Variants in GRIA1 observed in about 807,000 individuals in gnomAD.
GRIA1 encodes glutamate receptor 1.
GRIA1 carries 31 observed loss-of-function variants against 99.2 expected under a neutral mutation model. The observed-to-expected ratio is 0.31, with a 90% confidence interval of 0.23 to 0.42. The LOEUF is 0.42. GRIA1 is among the 10% of genes least tolerant of loss of function. The pLI, the probability that GRIA1 is intolerant of heterozygous loss-of-function variation, is 1.00. For synonymous variants in GRIA1, 438 were observed against 432.4 expected (o/e 1.01, Z -0.16); for missense variants, 782 against 1,157.5 (o/e 0.68, Z 4.71).
intron 2 of GRIA1, among the ~76,000 whole-genome samples, chr5:153,607,068 T>TATATATATAA (rs1491415058): frequency 3.0e-4 from 42 of 140,426 alleles, no homozygotes; most frequent in Admixed American, 9.8e-4. Context: ...TATATATATA[T>TATATATATAA]AATCACAGTT....
chr5:153,591,668 G>A (rs1763985245), intron 2 of GRIA1, among the ~76,000 whole-genome samples: 2 of 152,186 alleles, frequency 1.3e-5, no homozygotes, highest in Non-Finnish European at 2.9e-5. Context: ...AACTAAAGAA[G>A]AAATGGTTGG....
At chr5:153,773,079 G>T (rs913756428) in intron 13 of GRIA1, among the ~76,000 whole-genome samples, 1 of 152,156 alleles carries the variant, frequency 6.6e-6, no homozygotes, top group East Asian at 1.9e-4. Context: ...GCACTCAAAT[G>T]ACTTTCCACT....
At chr5:153,706,187 T>A in intron 11 of GRIA1, 120 bp downstream of exon 11, 1 of 970,312 alleles carries the variant, frequency 1.0e-6, no homozygotes, top group Non-Finnish European at 1.6e-6. Flanking sequence ...CTGTATTCAG[T>A]TTTTCAACTA....
At chr5:153,726,592 A>G (rs987234511) in intron 11 of GRIA1, among the ~76,000 whole-genome samples, 1 of 152,194 alleles carries the variant, frequency 6.6e-6, no homozygotes, top group African/African-American at 2.4e-5. Context: ...ACAAACTACC[A>G]TCAGAATACT....
At chr5:153,622,629 G>C (rs1767165506) in intron 2 of GRIA1, among the ~76,000 whole-genome samples, 1 of 152,224 alleles carries the variant, frequency 6.6e-6, no homozygotes, top group South Asian at 2.1e-4. Flanking sequence ...TTTCTTCTCT[G>C]AGATTTGAAT....
At chr5:153,670,801 C>T (rs548958981) in intron 5 of GRIA1, among the ~76,000 whole-genome samples, 2 of 151,964 alleles carry the variant, frequency 1.3e-5, no homozygotes, top group Admixed American at 1.3e-4. Flanking sequence ...AGAGTTAACA[C>T]CTTTATTTCC....
At chr5:153,768,675 C>T (rs998414312) in intron 12 of GRIA1, among the ~76,000 whole-genome samples, 1 of 151,842 alleles carries the variant, frequency 6.6e-6, no homozygotes, top group Non-Finnish European at 1.5e-5. Context: ...AGTTGACGTG[C>T]GCTAATATCA....
chr5:153,495,970 A>C (rs146497453), intron 2 of GRIA1, among the ~76,000 whole-genome samples: 1 of 152,230 alleles, frequency 6.6e-6, no homozygotes, highest in Admixed American at 6.5e-5. Context: ...TATTACTTGC[A>C]TAGAGAATCA....
intron 2 of GRIA1, among the ~76,000 whole-genome samples, chr5:153,515,396 G>A (rs1464164497): frequency 1.3e-5 from 2 of 152,192 alleles, no homozygotes; most frequent in Non-Finnish European, 2.9e-5. Flanking sequence ...AATATTGCAT[G>A]ATCTCATTCA....
At chr5:153,755,096 C>A (rs1762741176) in intron 11 of GRIA1, among the ~76,000 whole-genome samples, 1 of 152,074 alleles carries the variant, frequency 6.6e-6, no homozygotes, top group African/African-American at 2.4e-5. Flanking sequence ...AGCAGTATGA[C>A]CAGAGTACAG....
chr5:153,728,995 C>G (rs1187255642), intron 11 of GRIA1, among the ~76,000 whole-genome samples: 1 of 135,090 alleles, frequency 7.4e-6, no homozygotes, highest in African/African-American at 2.9e-5. Context: ...AAATGTCCAA[C>G]AGTGATAGAC....
At chr5:153,643,627 G>A (rs1333462332) in intron 2 of GRIA1, among the ~76,000 whole-genome samples, 4 of 152,106 alleles carry the variant, frequency 2.6e-5, no homozygotes, top group Non-Finnish European at 5.9e-5. Flanking sequence ...GTGTAGAAAT[G>A]GTCTGACAGT....
At chr5:153,513,413 C>T (rs913416509) in intron 2 of GRIA1, among the ~76,000 whole-genome samples, 19 of 152,204 alleles carry the variant, frequency 1.2e-4, no homozygotes, top group Non-Finnish European at 2.2e-4. Context: ...CGCAGATCCC[C>T]GGGAAAACCT....
At chr5:153,495,037 G>T (rs919688734) in intron 2 of GRIA1, among the ~76,000 whole-genome samples, 2 of 152,168 alleles carry the variant, frequency 1.3e-5, no homozygotes, top group Admixed American at 6.5e-5. Context: ...AGTCCCACTG[G>T]TGAGTTCTCA....
At chr5:153,669,959 C>T (rs79787202) in intron 5 of GRIA1, among the ~76,000 whole-genome samples, 2,333 of 152,204 alleles carry the variant, frequency 0.015, 61 homozygotes, top group African/African-American at 0.051. Flanking sequence ...ACATAGTGAA[C>T]CTTGATTTTT....
intron 7 of GRIA1, among the ~76,000 whole-genome samples, chr5:153,678,774 G>A (rs190167830): frequency 3.3e-5 from 5 of 152,306 alleles, no homozygotes; most frequent in Non-Finnish European, 5.9e-5. Context: ...AGCCTGGGAG[G>A]CAGTTCAGGG....
intron 13 of GRIA1, among the ~76,000 whole-genome samples, chr5:153,790,128 C>A (rs192983031): frequency 2.6e-5 from 4 of 152,228 alleles, no homozygotes; most frequent in African/African-American, 9.6e-5. Flanking sequence ...CAGAGATGGT[C>A]CCTGATGGCA....
At chr5:153,651,805 G>C (rs1242821679) in intron 4 of GRIA1, among the ~76,000 whole-genome samples, 2 of 152,214 alleles carry the variant, frequency 1.3e-5, no homozygotes, top group Non-Finnish European at 2.9e-5. Flanking sequence ...AAGTTCTCTG[G>C]GCCGGAGTCA....
chr5:153,811,189 C>T lies in GRIA1; in HGVS notation c.2685C>T (p.His895=). ...KSMQSIPCMS[H]SSGMPLGATG... Reference sequence around the variant, plus strand: ...TGCAATCGATTCCTTGCATGAGCCACAGTTCAGGGATGCCCTTGGGAGCCA... The same window carrying T: ...TGCAATCGATTCCTTGCATGAGCCATAGTTCAGGGATGCCCTTGGGAGCCA... The change falls in exon 16 of 16, where the codon CAC becomes CAT. Residue 895 remains histidine (H), a synonymous_variant. Coordinates refer to ENST00000285900, the MANE Select transcript of GRIA1 (RefSeq NM_000827.4). The T allele has an allele frequency of 6.2e-7, 1 of 1,614,148 alleles. No homozygotes were observed. Among genetic ancestry groups the T allele is most frequent in the Non-Finnish European group, 8.5e-7 (1 of 1,180,004 alleles).
Sources: gnomAD v4.1 joint callset for allele counts (sites outside exome capture counted in the v4.1 genomes callset) on GRCh38, gnomAD v4.1.1 for gene constraint, MANE v1.5 for transcripts, NCBI Gene and HGNC (gene_info 2026-07-23, HGNC 2026-07-21) for gene names.